The following ZNF430 variants were observed in gnomAD, a reference collection of about 807,000 sequenced individuals.
ZNF430 encodes the protein zinc finger protein 430.
In ZNF430, 35 loss-of-function variants were observed where a neutral mutation model predicts 56.7. The observed-to-expected ratio is 0.62, with a 90% CI of 0.47 to 0.82. ZNF430 has a LOEUF of 0.82. ZNF430 is among the 40% of genes least tolerant of loss of function. The probability of loss-of-function intolerance (pLI) is 0.00; values close to 1 mark genes in which losing one functional copy is unlikely to be tolerated. For missense variants in ZNF430, 574 were observed against 661.0 expected, an observed-to-expected ratio of 0.87 and a Z score of 1.44; for synonymous variants, 212 against 224.3, an observed-to-expected ratio of 0.94 and a Z score of 0.49.
chr19:21,040,314 A>G (rs1968080524), intron 4 of ZNF430, among the ~76,000 whole-genome samples: 1 of 152,206 alleles, frequency 6.6e-6, no homozygotes, highest in South Asian at 2.1e-4. Context: ...AATGTAATAC[A>G]CAATGTTGGA....
At chr19:21,033,040 A>G (rs1470780916) in intron 2 of ZNF430, among the ~76,000 whole-genome samples, 1 of 152,060 alleles carries the variant, frequency 6.6e-6, no homozygotes, top group Non-Finnish European at 1.5e-5. Context: ...TAGAGAAAAC[A>G]TTAGATAATA....
rs1968428023 is a variant in ZNF430, at chr19:21,059,118, A to C, written c.*1097A>C. On this transcript the variant is annotated 3_prime_UTR_variant, in exon 5 of 5. Transcript: ENST00000261560. Reference sequence around the variant, plus strand: ...AGTTCATACTAAAATATATTTTTGCAGATGCAGTAAAAATGAAAATATTTA... The same window carrying C: ...AGTTCATACTAAAATATATTTTTGCCGATGCAGTAAAAATGAAAATATTTA... 3 of 152,248 alleles carry C rather than the reference A, an allele frequency of 2.0e-5. No individual in the cohort carries two copies. Among genetic ancestry groups the C allele is most frequent in the African/African-American group, 7.2e-5 (3 of 41,464 alleles). 9.4% of individuals were successfully genotyped at this position (152,248 alleles called of 1,614,324 possible).
intron 4 of ZNF430, among the ~76,000 whole-genome samples, chr19:21,037,111 C>CT (rs990607702): frequency 0.08 from 10,402 of 130,774 alleles, 479 homozygotes; most frequent in African/African-American, 0.13. Context: ...ACAAGATTTT[C>CT]TTTTTTTTTT....
intron 4 of ZNF430, among the ~76,000 whole-genome samples, chr19:21,038,058 T>G (rs1357914872): frequency 2.0e-5 from 3 of 152,180 alleles, no homozygotes; most frequent in Non-Finnish European, 2.9e-5. Context: ...AATTTTGAAG[T>G]ATAGCATAGT....
chr19:21,048,490 T>G (rs1461659140), intron 4 of ZNF430, among the ~76,000 whole-genome samples: 2 of 151,938 alleles, frequency 1.3e-5, no homozygotes, highest in Non-Finnish European at 2.9e-5. Context: ...TTAGAGAGCA[T>G]GGGGTTGGGG....
chr19:21,054,605 G>A (rs1304953959), intron 4 of ZNF430, among the ~76,000 whole-genome samples: 2 of 142,364 alleles, frequency 1.4e-5, no homozygotes, highest in Admixed American at 7.0e-5. Context: ...GCTTATATAT[G>A]TGTTTGTTAT....
At chr19:21,025,986 G>C in intron 2 of ZNF430, 1 of 401,946 alleles carries the variant, frequency 2.5e-6, no homozygotes, top group Non-Finnish European at 4.7e-6. Context: ...CTTTTTATGA[G>C]ATAGTAATGT....
At chr19:21,037,708 G>A (rs1308591747) in intron 4 of ZNF430, among the ~76,000 whole-genome samples, 1 of 152,074 alleles carries the variant, frequency 6.6e-6, no homozygotes, top group African/African-American at 2.4e-5. Context: ...ATTGACATAG[G>A]TTTTATTTTC....
intron 4 of ZNF430, among the ~76,000 whole-genome samples, chr19:21,040,446 A>C (rs1968082417): frequency 6.6e-6 from 1 of 152,182 alleles, no homozygotes; most frequent in African/African-American, 2.4e-5. Flanking sequence ...TGGTTCATTA[A>C]AATAACCTGT....
Position 21,056,676 on chromosome 19 carries a change from T to G in ZNF430, c.368T>G (p.Ile123Arg). Residue 123 changes from isoleucine (I) to arginine (R), a missense_variant, in exon 5 of 5, where the codon ATA (isoleucine) becomes AGA (arginine). Physicochemically the swap from Ile to Arg is moderately conservative, Grantham distance 97. Coordinates refer to ENST00000261560, the MANE Select transcript of ZNF430 (RefSeq NM_025189.4). ...CAAGACCTTTGGCCAGAGCAGGGCA[T>G]AAAAGATTCTTTCCAAGAAGTCATA... ...FAQDLWPEQGIKDSFQEVILR... is the reference protein window; with the variant it reads ...FAQDLWPEQGRKDSFQEVILR... The G allele has an allele frequency of 6.3e-7, 1 of 1,588,216 alleles. No homozygotes were observed. The highest frequency in any genetic ancestry group is 8.6e-7 in the Non-Finnish European group (1 of 1,167,152).
At chr19:21,026,474 A>G (rs1967798797) in intron 2 of ZNF430, among the ~76,000 whole-genome samples, 1 of 151,916 alleles carries the variant, frequency 6.6e-6, no homozygotes, top group East Asian at 1.9e-4. Flanking sequence ...GGCGTGAGCC[A>G]CCGTGCCCGG....
intron 4 of ZNF430, among the ~76,000 whole-genome samples, chr19:21,042,604 C>T (rs895060861): frequency 2.6e-5 from 4 of 152,032 alleles, no homozygotes; most frequent in African/African-American, 7.2e-5. Flanking sequence ...CTGGCTAACA[C>T]GGTGAAACCC....
chr19:21,037,878 A>T (rs376532143), intron 4 of ZNF430, among the ~76,000 whole-genome samples: 1 of 151,896 alleles, frequency 6.6e-6, no homozygotes, highest in Non-Finnish European at 1.5e-5. Flanking sequence ...TGTATCTTTT[A>T]TGATAAAAAT....
At chr19:21,055,297 C>T (rs1259378430) in intron 4 of ZNF430, among the ~76,000 whole-genome samples, 4 of 152,104 alleles carry the variant, frequency 2.6e-5, no homozygotes, top group Non-Finnish European at 5.9e-5. Flanking sequence ...TATAATGTAG[C>T]TTTGTCCTGG....
At chr19:21,053,699 T>C (rs1968321679) in intron 4 of ZNF430, among the ~76,000 whole-genome samples, 1 of 152,142 alleles carries the variant, frequency 6.6e-6, no homozygotes, top group African/African-American at 2.4e-5. Context: ...CAGCCAAAAA[T>C]TTTTTTAATA....
chr19:21,050,027 C>T (rs1314905584), intron 4 of ZNF430, among the ~76,000 whole-genome samples: 4 of 7,322 alleles, frequency 5.5e-4, no homozygotes, highest in Admixed American at 1.2e-3. Flanking sequence ...GGACCACAGG[C>T]GCCCACCACC....
At chr19:21,050,958 G>A (rs929802615) in intron 4 of ZNF430, among the ~76,000 whole-genome samples, 2 of 152,100 alleles carry the variant, frequency 1.3e-5, no homozygotes, top group African/African-American at 4.8e-5. Context: ...AACCCGGGAG[G>A]TAGAGGTTGC....
At chr19:21,021,956 G>A (rs1044938168) in intron 1 of ZNF430, among the ~76,000 whole-genome samples, 1 of 149,508 alleles carries the variant, frequency 6.7e-6, no homozygotes, top group Non-Finnish European at 1.5e-5. Flanking sequence ...TCCTGCCTCA[G>A]CCTTTTGAGT....
chr19:21,058,168 G>T lies in ZNF430; in HGVS notation c.*147G>T, dbSNP rs1358692668. 1 of 801,312 alleles carries T rather than the reference G, an allele frequency of 1.2e-6. No individual in the cohort carries two copies. Among genetic ancestry groups the T allele is most frequent in the East Asian group, 2.7e-5 (1 of 37,368 alleles). 49.6% of individuals were successfully genotyped at this position (801,312 alleles called of 1,614,324 possible). A position where few individuals can be genotyped will look rare whatever the true frequency, so the allele number is the denominator to read the frequency against. ...ACCAGACATAAGATAATTCTGGCTGGGTGCGGTGGCTCACACCTGTAATCC... is the reference window on the plus strand; with the variant it reads ...ACCAGACATAAGATAATTCTGGCTGTGTGCGGTGGCTCACACCTGTAATCC... On this transcript the variant is annotated 3_prime_UTR_variant, in exon 5 of 5. Coordinates refer to ENST00000261560, the MANE Select transcript of ZNF430 (RefSeq NM_025189.4).
Sources: allele counts gnomAD v4.1 joint callset (sites outside exome capture counted in the v4.1 genomes callset), GRCh38; gene constraint gnomAD v4.1.1; transcripts MANE v1.5; gene names NCBI Gene and HGNC (gene_info 2026-07-23, HGNC 2026-07-21).